The following FGF16 variants were observed in gnomAD, a reference collection of about 807,000 sequenced individuals.
FGF16 encodes metacarpal 4-5 fusion.
FGF16 carries 2 observed loss-of-function variants against 8.5 expected under a neutral mutation model. The ratio of observed to expected loss-of-function variants is 0.24; its 90% confidence interval spans 0.10 to 0.75. FGF16 has a LOEUF of 0.75. Among genes scored for constraint, FGF16 ranks in the 30% least tolerant of loss-of-function variants. The probability of loss-of-function intolerance (pLI) is 0.74; values close to 1 mark genes in which losing one functional copy is unlikely to be tolerated. For synonymous variants in FGF16, 33 were observed against 34.6 expected (o/e 0.95, Z 0.16); for missense variants, 79 against 87.4 (o/e 0.90, Z 0.38).
chrX:77,450,266 G>A (rs781825361), intron 1 of FGF16, among the ~76,000 whole-genome samples: 6 of 112,081 alleles, frequency 5.4e-5, no homozygotes, highest in Admixed American at 3.8e-4. Flanking sequence ...GCTATTTGTT[G>A]TAATTGGAGA....
In FGF16 at chrX:77,456,686, T is replaced by G; in HGVS notation, c.*164T>G. On this transcript the variant is annotated 3_prime_UTR_variant, in exon 3 of 3. Transcript: ENST00000439435. ...AGCTGTTCCCTTGTTGTTCAAAGTG[T>G]ATATCAAGGTTGGGTTATTTTGGGG... is the stretch of plus-strand genomic sequence containing the variant. 1 of 484,012 alleles carries G rather than the reference T, an allele frequency of 2.1e-6. No individual in the cohort carries two copies. The highest frequency in any genetic ancestry group is 3.4e-6 in the Non-Finnish European group (1 of 296,252). The allele number at this position is 484,012 out of a possible 1,213,427, so 39.9% of individuals were successfully genotyped here.
At chrX:77,449,046 G>C (rs368778546) in intron 1 of FGF16, among the ~76,000 whole-genome samples, 5 of 110,068 alleles carry the variant, frequency 4.5e-5, no homozygotes, top group East Asian at 5.7e-4. Context: ...CCTCCTTCTT[G>C]CCAACATCTG....
At chrX:77,452,457 A>T (rs1167704708) in intron 1 of FGF16, among the ~76,000 whole-genome samples, 1 of 112,518 alleles carries the variant, frequency 8.9e-6, no homozygotes, top group African/African-American at 3.2e-5. Flanking sequence ...CTTTCTTTGT[A>T]CTGTAAAATT....
intron 1 of FGF16, among the ~76,000 whole-genome samples, chrX:77,452,587 G>A (rs1285459881): frequency 8.9e-6 from 1 of 112,450 alleles, no homozygotes; most frequent in African/African-American, 3.2e-5. Flanking sequence ...AAAAGATCTG[G>A]GTGGGTTGTG....
intron 1 of FGF16, 79 bp from the exon 2 acceptor site, chrX:77,454,078 A>G (rs2062565011): frequency 3.1e-6 from 2 of 648,114 alleles, no homozygotes; most frequent in Non-Finnish European, 4.9e-6. Context: ...GGGACAAATG[A>G]CTGGTAGCTC....
intron 1 of FGF16, among the ~76,000 whole-genome samples, chrX:77,453,010 T>C (rs1300677331): frequency 9.0e-6 from 1 of 110,991 alleles, no homozygotes; most frequent in African/African-American, 3.3e-5. Context: ...CTGGGGAGGT[T>C]GAGGCTGCAG....
intron 1 of FGF16, 29 bp downstream of exon 1, chrX:77,447,977 C>G: frequency 3.4e-6 from 1 of 297,864 alleles, no homozygotes; most frequent in Non-Finnish European, 5.9e-6. Context: ...GAACGGGAGG[C>G]GGGCGGACGG....
intron 1 of FGF16, among the ~76,000 whole-genome samples, chrX:77,448,515 A>T (rs1269145014): frequency 8.9e-6 from 1 of 112,143 alleles, no homozygotes; most frequent in Non-Finnish European, 1.9e-5. Context: ...CGAATTGGGA[A>T]TCTAGGAAAA....
chrX:77,449,047 CCAA>C (rs1274730829), intron 1 of FGF16, among the ~76,000 whole-genome samples: 1 of 110,892 alleles, frequency 9.0e-6, no homozygotes, highest in East Asian at 2.8e-4. Context: ...CTCCTTCTTG[CCAA>C]CATCTGCCCC....
chrX:77,448,762 C>A (rs1343196986), intron 1 of FGF16, among the ~76,000 whole-genome samples: 1 of 112,039 alleles, frequency 8.9e-6, no homozygotes, highest in Non-Finnish European at 1.9e-5. Flanking sequence ...ACTAATTACA[C>A]AATTAATATA....
intron 1 of FGF16, among the ~76,000 whole-genome samples, chrX:77,448,301 T>C (rs1482876108): frequency 8.9e-6 from 1 of 112,452 alleles, no homozygotes; most frequent in African/African-American, 3.2e-5. Flanking sequence ...GCCGGGACCG[T>C]GGCTGCAGCG....
At chrX:77,453,369 T>C (rs1269750349) in intron 1 of FGF16, among the ~76,000 whole-genome samples, 1 of 112,213 alleles carries the variant, frequency 8.9e-6, no homozygotes, top group African/African-American at 3.2e-5. Flanking sequence ...CATTTTCAAA[T>C]CTTCACCTCT....
At position 77,454,272 on chromosome X, in the gene FGF16, G is replaced by GTTTTTT. The variant is rs782034788; in HGVS notation, c.378+37_378+42dup. The GTTTTTT allele has an allele frequency of 1.1e-3, 159 of 151,313 alleles. 2 individuals carry two copies. The highest frequency in any genetic ancestry group is 3.8e-3 in the Middle Eastern group (2 of 521). 12.5% of individuals were successfully genotyped at this position (151,313 alleles called of 1,213,427 possible). A position where few individuals can be genotyped will look rare whatever the true frequency, so the allele number is the denominator to read the frequency against. On this transcript the variant is annotated intron_variant, in intron 2 of 2. Coordinates refer to ENST00000439435, the MANE Select transcript of FGF16 (RefSeq NM_003868.3). The stretch of plus-strand genomic sequence containing the variant: ...AACTCTATGGGTCGGTAAGTTTAAG[G>GTTTTTT]TTTTTTTTTTTTTTTTTTTTTTTTT...
chrX:77,452,430 C>T (rs1322126151), intron 1 of FGF16, among the ~76,000 whole-genome samples: 1 of 112,837 alleles, frequency 8.9e-6, no homozygotes, highest in African/African-American at 3.2e-5. Context: ...TTGTCTCAAT[C>T]TCATTTCCCG....
intron 1 of FGF16, among the ~76,000 whole-genome samples, chrX:77,452,935 G>A (rs890468021): frequency 3.6e-5 from 4 of 110,628 alleles, no homozygotes; most frequent in Admixed American, 9.6e-5. Context: ...AAATTAGCTG[G>A]GTGTGGTGAT....
intron 1 of FGF16, among the ~76,000 whole-genome samples, chrX:77,452,120 C>T (rs927744076): frequency 1.8e-5 from 2 of 111,895 alleles, no homozygotes; most frequent in African/African-American, 6.5e-5. Flanking sequence ...ATTTGGGAGA[C>T]CAAAGTGCAG....
chrX:77,452,409 C>T (rs1338715027), intron 1 of FGF16, among the ~76,000 whole-genome samples: 1 of 112,729 alleles, frequency 8.9e-6, no homozygotes, highest in African/African-American at 3.2e-5. Context: ...TTCTCTTCCC[C>T]TCCTACCGTC....
intron 1 of FGF16, among the ~76,000 whole-genome samples, chrX:77,453,141 C>A (rs1490968962): frequency 9.0e-6 from 1 of 111,601 alleles, no homozygotes; most frequent in Non-Finnish European, 1.9e-5. Flanking sequence ...CAGATATGAG[C>A]TCATTTCATA....
At chrX:77,448,082 C>T (rs1244290877) in intron 1 of FGF16, 134 bp downstream of exon 1, 1 of 297,086 alleles carries the variant, frequency 3.4e-6, no homozygotes, top group Non-Finnish European at 5.9e-6. Flanking sequence ...CGAGACACGA[C>T]GGCGCGGTCG....
Sources: gnomAD v4.1 joint callset for allele counts (sites outside exome capture counted in the v4.1 genomes callset) on GRCh38, gnomAD v4.1.1 for gene constraint, MANE v1.5 for transcripts, NCBI Gene and HGNC (gene_info 2026-07-23, HGNC 2026-07-21) for gene names.